NRF1: variants seen among roughly 807,000 people sequenced by gnomAD.
NRF1 encodes alpha palindromic-binding protein.
A neutral mutation model predicts 58.5 loss-of-function variants in NRF1; 5 were observed. The observed-to-expected ratio is 0.09, with a 90% CI of 0.04 to 0.18. NRF1 has a LOEUF of 0.18. Among genes scored for constraint, NRF1 ranks in the 10% least tolerant of loss-of-function variants. The probability of loss-of-function intolerance (pLI) is 1.00; values close to 1 mark genes in which losing one functional copy is unlikely to be tolerated. For synonymous variants in NRF1, 224 were observed against 246.7 expected, an observed-to-expected ratio of 0.91 and a Z score of 0.86; for missense variants, 288 against 657.7, an observed-to-expected ratio of 0.44 and a Z score of 6.15.
intron 1 of NRF1, among the ~76,000 whole-genome samples, chr7:129,631,537 G>T (rs1437195221): frequency 6.6e-6 from 1 of 152,058 alleles, no homozygotes; most frequent in African/African-American, 2.4e-5. Context: ...AAAGTGTTGG[G>T]ATTATAGGTG....
intron 9 of NRF1, among the ~76,000 whole-genome samples, chr7:129,719,530 AC>A (rs1803269634): frequency 1.0e-5 from 1 of 98,848 alleles, no homozygotes. Context: ...ACACACACAC[AC>A]ACACACACAC....
intron 3 of NRF1, among the ~76,000 whole-genome samples, chr7:129,674,348 T>TA (rs1451473864): frequency 6.6e-6 from 1 of 151,572 alleles, no homozygotes; most frequent in East Asian, 1.9e-4. Context: ...TCTCAGTACA[T>TA]AAAAAAGTTG....
chr7:129,688,639 A>ATT (rs896886756), intron 4 of NRF1, among the ~76,000 whole-genome samples: 2 of 152,170 alleles, frequency 1.3e-5, no homozygotes, highest in African/African-American at 4.8e-5. Flanking sequence ...GAAACTTAAC[A>ATT]ATCATGGCAG....
intron 1 of NRF1, among the ~76,000 whole-genome samples, chr7:129,655,679 A>G (rs1297846443): frequency 6.6e-6 from 1 of 151,958 alleles, no homozygotes; most frequent in African/African-American, 2.4e-5. Flanking sequence ...GTACCACCAC[A>G]CCTGGCTAAT....
At chr7:129,653,837 T>C (rs1801592850) in intron 1 of NRF1, among the ~76,000 whole-genome samples, 1 of 152,238 alleles carries the variant, frequency 6.6e-6, no homozygotes, top group Non-Finnish European at 1.5e-5. Flanking sequence ...CTGAATGATA[T>C]TCTATTGTCT....
chr7:129,712,185 CT>C (rs768867644), intron 8 of NRF1, among the ~76,000 whole-genome samples: 14 of 152,052 alleles, frequency 9.2e-5, no homozygotes, highest in Non-Finnish European at 1.5e-4. Flanking sequence ...CATAACAGAG[CT>C]TAGATGATTT....
intron 1 of NRF1, among the ~76,000 whole-genome samples, chr7:129,625,740 G>C (rs1337202678): frequency 2.2e-5 from 3 of 135,020 alleles, no homozygotes; most frequent in Non-Finnish European, 3.0e-5. Context: ...GGAGTGCAGT[G>C]GTGCGATCTC....
Position 129,671,562 on chromosome 7 carries a change from A to G in NRF1, c.338+19A>G, listed in dbSNP as rs1385598044. On this transcript the variant is annotated intron_variant, in intron 3 of 10. Coordinates refer to ENST00000393232, the MANE Select transcript of NRF1 (RefSeq NM_005011.5). ...TGCTTCGGTGAGGGCTCCCTTATCC[A>G]TATTGTTACTATTCCTCAAATACTT... The G allele has an allele frequency of 1.6e-6, 2 of 1,279,826 alleles. No homozygotes were observed. The highest frequency in any genetic ancestry group is 1.2e-5 in the South Asian group (1 of 83,858). The allele number at this position is 1,279,826 out of a possible 1,614,324, so 79.3% of individuals were successfully genotyped here.
At chr7:129,625,382 C>G (rs1369744517) in intron 1 of NRF1, among the ~76,000 whole-genome samples, 2 of 152,162 alleles carry the variant, frequency 1.3e-5, no homozygotes, top group African/African-American at 4.8e-5. Flanking sequence ...ACAGTCCAAC[C>G]CACTATAGGA....
At chr7:129,737,085 A>G (rs1394909905) in intron 10 of NRF1, among the ~76,000 whole-genome samples, 1 of 152,230 alleles carries the variant, frequency 6.6e-6, no homozygotes, top group Non-Finnish European at 1.5e-5. Context: ...GTCAGCATCA[A>G]TTTCTTCTCC....
At chr7:129,672,388 G>C (rs1802068663) in intron 3 of NRF1, among the ~76,000 whole-genome samples, 1 of 151,958 alleles carries the variant, frequency 6.6e-6, no homozygotes, top group Non-Finnish European at 1.5e-5. Flanking sequence ...CTCTGAGTGA[G>C]ATGAGATGTC....
intron 5 of NRF1, among the ~76,000 whole-genome samples, chr7:129,705,303 GT>G (rs1802922117): frequency 6.6e-6 from 1 of 151,724 alleles, no homozygotes; most frequent in Admixed American, 6.6e-5. Context: ...TTTGTTTTTT[GT>G]TTTTGAGATG....
In NRF1 at chr7:129,677,572, A is replaced by G. The variant is rs1383017240; in HGVS notation, c.339-60A>G. The G allele has an allele frequency of 2.0e-6, 3 of 1,514,738 alleles. No individual in the cohort carries two copies. In the African/African-American group the frequency reaches 4.1e-5, roughly 21 times the overall value. 93.8% of individuals were successfully genotyped at this position (1,514,738 alleles called of 1,614,324 possible). A position where few individuals can be genotyped will look rare whatever the true frequency, so the allele number is the denominator to read the frequency against. On this transcript the variant is annotated intron_variant, in intron 3 of 10. Transcript: ENST00000393232. ...AAACTGTCTTACCTCATTTGTGTCTATGTCACTGTAATTTCCGTCTTTTTA... is the reference window on the plus strand; with the variant it reads ...AAACTGTCTTACCTCATTTGTGTCTGTGTCACTGTAATTTCCGTCTTTTTA...
intron 1 of NRF1, among the ~76,000 whole-genome samples, chr7:129,613,917 A>C (rs960364649): frequency 3.9e-5 from 6 of 152,082 alleles, no homozygotes; most frequent in Non-Finnish European, 8.8e-5. Context: ...GCGAGACTTC[A>C]TCTAAAAAAA....
At chr7:129,692,940 C>G (rs897511440) in intron 5 of NRF1, among the ~76,000 whole-genome samples, 8 of 152,184 alleles carry the variant, frequency 5.3e-5, no homozygotes, top group Non-Finnish European at 8.8e-5. Context: ...GCTTTCTTCT[C>G]CCTACCAAGC....
At position 129,690,388 on chromosome 7, in the gene NRF1, G is replaced by T; in HGVS notation, c.466-18G>T. ...GTTGTTGGGCATCTTGTTTACTTCT[G>T]CCCTTAATTCCCTGCAGGTGCGTAA... is the stretch of plus-strand genomic sequence containing the variant. On this transcript the variant is annotated intron_variant, in intron 4 of 10. Coordinates refer to ENST00000393232, the MANE Select transcript of NRF1 (RefSeq NM_005011.5). 6.2e-7 allele frequency: 1 copy of T among 1,608,052 alleles called. No homozygotes were observed. The highest frequency in any genetic ancestry group is 8.5e-7 in the Non-Finnish European group (1 of 1,176,448).
intron 10 of NRF1, among the ~76,000 whole-genome samples, chr7:129,730,432 C>T (rs889346610): frequency 2.0e-5 from 3 of 152,094 alleles, no homozygotes; most frequent in South Asian, 4.1e-4. Flanking sequence ...ACAGATACTA[C>T]TTAGGGGAAA....
chr7:129,622,382 C>G (rs561324885), intron 1 of NRF1, among the ~76,000 whole-genome samples: 3 of 152,094 alleles, frequency 2.0e-5, no homozygotes, highest in South Asian at 4.1e-4. Flanking sequence ...AAATTTTCTT[C>G]TAAATTAAAA....
chr7:129,712,465 C>CT (rs1170662430), intron 8 of NRF1, among the ~76,000 whole-genome samples: 1 of 152,218 alleles, frequency 6.6e-6, no homozygotes, highest in Non-Finnish European at 1.5e-5. Context: ...CACAAAGTCA[C>CT]TTTCATTTGT....
Sources: gnomAD v4.1 joint callset for allele counts (sites outside exome capture counted in the v4.1 genomes callset) on GRCh38, gnomAD v4.1.1 for gene constraint, MANE v1.5 for transcripts, NCBI Gene and HGNC (gene_info 2026-07-23, HGNC 2026-07-21) for gene names.